The following CYP20A1 variants were observed in gnomAD, a reference collection of about 807,000 sequenced individuals.
CYP20A1 encodes cytochrome P450 20A1.
A neutral mutation model predicts 61.4 loss-of-function variants in CYP20A1; 61 were observed. The observed-to-expected ratio is 0.99, with a 90% CI of 0.81 to 1.23. The LOEUF is 1.23. Among genes scored for constraint, CYP20A1 ranks in the 50% most tolerant of loss-of-function variants. The pLI is 0.00. For synonymous variants in CYP20A1, 193 were observed against 188.2 expected, an observed-to-expected ratio of 1.03 and a Z score of -0.21; for missense variants, 530 against 542.4, an observed-to-expected ratio of 0.98 and a Z score of 0.23.
Position 203,264,105 on chromosome 2 carries a change from C to T in CYP20A1, c.433-2409C>T, listed in dbSNP as rs544022179. Among the ~76,000 whole-genome samples, 6 of 152,078 alleles carry T rather than the reference C, an allele frequency of 3.9e-5. No homozygotes were observed. In the South Asian group the frequency reaches 1.0e-3, roughly 26 times the overall value. The stretch of plus-strand genomic sequence containing the variant: ...GCAGCCTTGAACACCTGGACTCAAG[C>T]GATCCTCCCAAGTAGCTGGTACAGG... On this transcript the variant is annotated intron_variant, in intron 4 of 12. Coordinates refer to ENST00000356079, the MANE Select transcript of CYP20A1 (RefSeq NM_177538.3).
chr2:203,245,261 C>G (rs1036609022), intron 1 of CYP20A1, among the ~76,000 whole-genome samples: 1 of 151,880 alleles, frequency 6.6e-6, no homozygotes, highest in East Asian at 1.9e-4. Context: ...ATCCTAACCT[C>G]GTGATCTGCC....
Position 203,239,125 on chromosome 2 carries a change from C to T in CYP20A1, c.63C>T (p.Tyr21=), listed in dbSNP as rs2066147036. ...FLLALVGAVL[Y]LYPASRQAAG... ...TGGCGTTGGTGGGAGCCGTGCTCTA[C>T]CTCTATCCGGTGAGCGCCGTCTTGG... The change falls in exon 1 of 13, where the codon TAC becomes TAT. Residue 21 remains tyrosine, a synonymous_variant. Coordinates refer to ENST00000356079, the MANE Select transcript of CYP20A1 (RefSeq NM_177538.3). 6.2e-7 allele frequency: 1 copy of T among 1,613,272 alleles called. No homozygotes were observed. Among genetic ancestry groups the T allele is most frequent in the Admixed American group, 1.7e-5 (1 of 60,000 alleles).
In CYP20A1 at chr2:203,302,349, G is replaced by A. The variant is rs1468457775; in HGVS notation, c.*5441G>A. Among the ~76,000 whole-genome samples the A allele has an allele frequency of 6.6e-6, 1 of 152,140 alleles. No individual in the cohort carries two copies. The highest frequency in any genetic ancestry group is 1.5e-5 in the Non-Finnish European group (1 of 68,032). The stretch of plus-strand genomic sequence containing the variant: ...GAAGTTTGAGACCAGCCTGGGCAAC[G>A]TGGCAAAAGCTTGTTTCTATAAAAA... On this transcript the variant is annotated 3_prime_UTR_variant, in exon 13 of 13. Coordinates refer to ENST00000356079, the MANE Select transcript of CYP20A1 (RefSeq NM_177538.3).
At chr2:203,277,137 A>G (rs1233346334) in intron 6 of CYP20A1, among the ~76,000 whole-genome samples, 2 of 151,700 alleles carry the variant, frequency 1.3e-5, no homozygotes, top group Non-Finnish European at 2.9e-5. Flanking sequence ...TCACAAGGTC[A>G]GGAGATGGAG....
intron 4 of CYP20A1, among the ~76,000 whole-genome samples, chr2:203,253,576 T>C (rs1180770272): frequency 6.6e-6 from 1 of 152,206 alleles, no homozygotes; most frequent in African/African-American, 2.4e-5. Context: ...CAGAACGTGG[T>C]TTTTATAAGC....
chr2:203,244,494 C>T (rs1053715695), intron 1 of CYP20A1, among the ~76,000 whole-genome samples: 9 of 151,872 alleles, frequency 5.9e-5, no homozygotes, highest in South Asian at 2.1e-4. Context: ...CCACTGCGCC[C>T]GGCCCAGCAC....
chr2:203,272,585 C>A, intron 5 of CYP20A1, 85 bp from the exon 6 acceptor site: 4 of 455,250 alleles, frequency 8.8e-6, no homozygotes, highest in Admixed American at 4.4e-5. Flanking sequence ...TTAAAGAGTT[C>A]CTAAGTCATT....
At chr2:203,268,342 C>T (rs1001391883) in intron 5 of CYP20A1, among the ~76,000 whole-genome samples, 1 of 152,178 alleles carries the variant, frequency 6.6e-6, no homozygotes, top group Non-Finnish European at 1.5e-5. Flanking sequence ...TCACTCAGTA[C>T]TTGTAGATAT....
chr2:203,284,011 G>A (rs967865619), intron 8 of CYP20A1, among the ~76,000 whole-genome samples: 7 of 152,162 alleles, frequency 4.6e-5, no homozygotes, highest in Non-Finnish European at 5.9e-5. Context: ...TTGTAAAATA[G>A]CAATTCTACA....
chr2:203,280,089 G>A lies in CYP20A1; in HGVS notation c.826G>A (p.Ala276Thr). The change falls in exon 8 of 13, where the codon GCC becomes ACC. Residue 276 changes from alanine to threonine, a missense_variant. Physicochemically the swap from Ala to Thr is moderately conservative, Grantham distance 58 (BLOSUM62 0). Transcript: ENST00000356079. ...AGAAGACAGTATGATATTTTCTCTGGCCAGTTGCATAATAACTGCAAAATG... is the reference window on the plus strand; with the variant it reads ...AGAAGACAGTATGATATTTTCTCTGACCAGTTGCATAATAACTGCAAAATG... The part of the protein sequence containing the change: ...ILEDSMIFSL[A>T]SCIITAKLCT... The A allele has an allele frequency of 6.2e-7, 1 of 1,605,854 alleles. No individual in the cohort carries two copies. Among genetic ancestry groups the A allele is most frequent in the Non-Finnish European group, 8.5e-7 (1 of 1,176,738 alleles).
intron 4 of CYP20A1, among the ~76,000 whole-genome samples, chr2:203,265,018 T>C (rs979519271): frequency 2.6e-5 from 4 of 152,210 alleles, no homozygotes; most frequent in South Asian, 2.1e-4. Flanking sequence ...CGTGAGCCAC[T>C]GCGCCTGACC....
At position 203,252,045 on chromosome 2, in the gene CYP20A1, G is replaced by A; in HGVS notation, c.368G>A (p.Arg123Lys). The part of the protein sequence containing the change: ...GGGSVSENHM[R>K]KKLYENGVTD... ...GGCAGTGTGAGTGAAAACCACATGA[G>A]GAAAAAATTGTATGAAAATGGTGTG... Residue 123 changes from arginine (R) to lysine (K), a missense_variant, in exon 4 of 13, where the codon AGG (arginine) becomes AAG (lysine). Transcript: ENST00000356079. 1.2e-6 allele frequency: 2 copies of A among 1,610,928 alleles called. No individual in the cohort carries two copies. The highest frequency in any genetic ancestry group is 1.7e-5 in the Admixed American group (1 of 59,620).
chr2:203,278,854 A>G (rs1001350526), intron 7 of CYP20A1, among the ~76,000 whole-genome samples, 166 bp downstream of exon 7: 1 of 152,226 alleles, frequency 6.6e-6, no homozygotes, highest in Non-Finnish European at 1.5e-5. Context: ...ATCTATAAAA[A>G]ATAATGATAA....
chr2:203,292,945 GC>G (rs1278519843), intron 11 of CYP20A1, among the ~76,000 whole-genome samples: 1 of 151,996 alleles, frequency 6.6e-6, no homozygotes, highest in Non-Finnish European at 1.5e-5. Context: ...GGAGGCTGAG[GC>G]GGGCGGATCA....
intron 1 of CYP20A1, among the ~76,000 whole-genome samples, chr2:203,245,408 A>AGTTTT (rs2066428989): frequency 6.6e-6 from 1 of 151,676 alleles, no homozygotes; most frequent in South Asian, 2.1e-4. Flanking sequence ...TACATAGGTA[A>AGTTTT]ACTTGTATCA....
At chr2:203,290,349 A>C (rs1157739569) in intron 10 of CYP20A1, among the ~76,000 whole-genome samples, 3 of 152,240 alleles carry the variant, frequency 2.0e-5, no homozygotes, top group African/African-American at 7.2e-5. Flanking sequence ...TTTAAAGTTC[A>C]AGCAATATAA....
chr2:203,284,558 G>GT (rs2068184985), intron 8 of CYP20A1, among the ~76,000 whole-genome samples: 1 of 151,650 alleles, frequency 6.6e-6, no homozygotes, highest in Non-Finnish European at 1.5e-5. Context: ...CCATAAACCA[G>GT]TTTAAGCTAA....
intron 8 of CYP20A1, among the ~76,000 whole-genome samples, chr2:203,283,708 C>A (rs796145188): frequency 2.3e-4 from 34 of 150,604 alleles, no homozygotes; most frequent in African/African-American, 8.1e-4. Flanking sequence ...GCCACCATGC[C>A]CAGCTAATTT....
chr2:203,287,096 G>T (rs2068304327), intron 9 of CYP20A1, among the ~76,000 whole-genome samples: 1 of 150,822 alleles, frequency 6.6e-6, no homozygotes, highest in Admixed American at 6.7e-5. Flanking sequence ...GTGCATGGCT[G>T]TAGTCCTAGC....
Sources: gnomAD v4.1 joint callset for allele counts (sites outside exome capture counted in the v4.1 genomes callset) on GRCh38, gnomAD v4.1.1 for gene constraint, MANE v1.5 for transcripts, NCBI Gene and HGNC (gene_info 2026-07-23, HGNC 2026-07-21) for gene names.